Variants in RNASET2 observed in about 807,000 individuals in gnomAD.
RNASET2 encodes the protein ribonuclease 6.
RNASET2 carries 28 observed loss-of-function variants against 33.9 expected under a neutral mutation model. That is an observed-to-expected ratio of 0.83 (90% CI 0.61 to 1.13). The LOEUF (loss-of-function observed/expected upper bound fraction) is 1.13, where lower values mean the gene tolerates loss of function less well. RNASET2 is among the 50% of genes most tolerant of loss of function. The pLI is 0.00. For synonymous variants in RNASET2, 123 were observed against 121.0 expected, an observed-to-expected ratio of 1.02 and a Z score of -0.11; for missense variants, 330 against 319.9, an observed-to-expected ratio of 1.03 and a Z score of -0.24.
At chr6:166,934,297 C>T (rs1778515511) in intron 6 of RNASET2, 161 bp from the exon 7 acceptor site, 2 of 649,032 alleles carry the variant, frequency 3.1e-6, no homozygotes, top group Non-Finnish European at 5.6e-6. Flanking sequence ...ACTGCAAATA[C>T]ATGGTTCCCA....
At chr6:166,942,397 A>G (rs922184735) in intron 5 of RNASET2, among the ~76,000 whole-genome samples, 1 of 152,172 alleles carries the variant, frequency 6.6e-6, no homozygotes, top group Non-Finnish European at 1.5e-5. Flanking sequence ...AATTTCCTTA[A>G]GAAATATTCT....
At chr6:166,943,719 G>A (rs1349729475) in intron 4 of RNASET2, 1 of 468,636 alleles carries the variant, frequency 2.1e-6, no homozygotes, top group African/African-American at 2.0e-5. Context: ...TTCATTAATT[G>A]TAACAAATGT....
chr6:166,926,922 GCT>G lies in RNASET2; in HGVS notation c.*2664_*2665del, dbSNP rs1312253034. Reference sequence around the variant, plus strand: ...CCCGGGCCAGCTGCCCCTCCTGGCTGCTCTCCATCCTGAGATGCGCCTGCTCC... The same window carrying G: ...CCCGGGCCAGCTGCCCCTCCTGGCTGCTCCATCCTGAGATGCGCCTGCTCC... On this transcript the variant is annotated 3_prime_UTR_variant, in exon 9 of 9. Coordinates refer to ENST00000508775, the MANE Select transcript of RNASET2 (RefSeq NM_003730.6). Among the ~76,000 whole-genome samples the G allele has an allele frequency of 6.6e-6, 1 of 152,186 alleles. No homozygotes were observed. Among genetic ancestry groups the G allele is most frequent in the African/African-American group, 2.4e-5 (1 of 41,442 alleles).
rs139710097 is a variant in RNASET2, at chr6:166,936,809, C to T, written c.446+2086G>A. On this transcript the variant is annotated intron_variant, in intron 6 of 8. Transcript: ENST00000508775. ...TAGCAGGAAAGCTACTGAGTTTCAA[C>T]GAGTGTAAGTAGGAGCCACTTAATA... is the stretch of plus-strand genomic sequence containing the variant. Among the ~76,000 whole-genome samples, 455 of 152,330 alleles carry T rather than the reference C, an allele frequency of 3.0e-3. 2 individuals are homozygous for T. The highest frequency in any genetic ancestry group is 0.01 in the African/African-American group (429 of 41,578).
Position 166,926,544 on chromosome 6 carries a change from A to G in RNASET2, c.*3044T>C, listed in dbSNP as rs1455312353. 3.2e-4 allele frequency among the ~76,000 whole-genome samples: 48 copies of G among 151,280 alleles called. No homozygotes were observed. The highest frequency in any genetic ancestry group is 1.0e-3 in the African/African-American group (41 of 41,160). ...GTGAGACTCAGTCTCAAAAAAAAAA[A>G]AAAAGAAAAGAAAAGAAAAGATATC... On this transcript the variant is annotated 3_prime_UTR_variant, in exon 9 of 9. Coordinates refer to ENST00000508775, the MANE Select transcript of RNASET2 (RefSeq NM_003730.6).
intron 4 of RNASET2, among the ~76,000 whole-genome samples, chr6:166,944,641 G>C (rs994061791): frequency 8.5e-5 from 13 of 152,072 alleles, no homozygotes; most frequent in Non-Finnish European, 1.6e-4. Context: ...ACTACTCTGA[G>C]GAGCAGCGGC....
intron 6 of RNASET2, among the ~76,000 whole-genome samples, chr6:166,935,953 G>A (rs1248578735): frequency 1.3e-5 from 2 of 152,186 alleles, no homozygotes; most frequent in Admixed American, 6.5e-5. Context: ...GATTACAGGC[G>A]TGAACCACTG....
At chr6:166,940,051 G>T (rs976782031) in intron 5 of RNASET2, among the ~76,000 whole-genome samples, 14 of 152,220 alleles carry the variant, frequency 9.2e-5, no homozygotes, top group Admixed American at 7.2e-4. Context: ...TGAAGGCCAC[G>T]CTCAAGTCCA....
chr6:166,943,115 C>T, intron 4 of RNASET2, 26 bp from the exon 5 acceptor site: 1 of 1,562,520 alleles, frequency 6.4e-7, no homozygotes, highest in Non-Finnish European at 8.8e-7. Context: ...TAAAATAAGT[C>T]TACGCAGGTT....
At chr6:166,952,682 T>C in intron 1 of RNASET2, 134 bp from the exon 2 acceptor site, 1 of 733,148 alleles carries the variant, frequency 1.4e-6, no homozygotes, top group Non-Finnish European at 2.5e-6. Context: ...CCTGCCCTGC[T>C]GCTGCACACA....
rs1341920301 is a variant in RNASET2 at position 166,924,782 on chromosome 6, AT to A, written c.*4805del. On this transcript the variant is annotated 3_prime_UTR_variant, in exon 9 of 9. Transcript: ENST00000508775. ...AGCGTGACCAACATGGAGAAAACCC[AT>A]CTCTACTAAAAATACAAAATTAGCC... Among the ~76,000 whole-genome samples, 1 of 152,078 alleles carries A rather than the reference AT, an allele frequency of 6.6e-6. No homozygotes were observed. Among genetic ancestry groups the A allele is most frequent in the Non-Finnish European group, 1.5e-5 (1 of 68,006 alleles).
At position 166,952,472 on chromosome 6, in the gene RNASET2, A is replaced by G. The variant is rs766443656; in HGVS notation, c.147+16T>C. 2.4e-5 allele frequency: 38 copies of G among 1,612,882 alleles called. 1 individual carries two copies. Among genetic ancestry groups the G allele is most frequent in the Non-Finnish European group, 3.2e-5 (38 of 1,178,878 alleles). Reference sequence around the variant, plus strand: ...GCTCCCCAGGCCCCAGGGCCCGTCAAGGCAGAAACACTCACCTCGCATACT... The same window carrying G: ...GCTCCCCAGGCCCCAGGGCCCGTCAGGGCAGAAACACTCACCTCGCATACT... On this transcript the variant is annotated intron_variant, in intron 2 of 8. Transcript: ENST00000508775.
intron 6 of RNASET2, among the ~76,000 whole-genome samples, chr6:166,935,789 TGCC>T (rs997310358): frequency 6.6e-6 from 1 of 152,204 alleles, no homozygotes; most frequent in African/African-American, 2.4e-5. Context: ...GAGATTCTCC[TGCC>T]TCAGCCTCCT....
At position 166,933,169 on chromosome 6, in the gene RNASET2, T is replaced by C. The variant is rs1019705807; in HGVS notation, c.492+922A>G. On this transcript the variant is annotated intron_variant, in intron 7 of 8. Coordinates refer to ENST00000508775, the MANE Select transcript of RNASET2 (RefSeq NM_003730.6). This position sits in a 1 kb window ranked among gnomAD's most constrained non-coding sequence, Gnocchi z 4.1. ...AATACGAAAACTATCTCAAAGAATCTGATACCTTTCTCTAAGGCAAGAGTC... is the reference window on the plus strand; with the variant it reads ...AATACGAAAACTATCTCAAAGAATCCGATACCTTTCTCTAAGGCAAGAGTC... 8 of 152,204 alleles carry C rather than the reference T, an allele frequency of 5.3e-5. No homozygotes were observed. The highest frequency in any genetic ancestry group is 1.9e-4 in the African/African-American group (8 of 41,452). The allele number at this position is 152,204 out of a possible 1,614,324, so 9.4% of individuals were successfully genotyped here.
intron 6 of RNASET2, among the ~76,000 whole-genome samples, chr6:166,937,861 C>T (rs1778604911): frequency 6.6e-6 from 1 of 152,300 alleles, no homozygotes; most frequent in African/African-American, 2.4e-5. Flanking sequence ...TCCCCGCTAA[C>T]CGTGCCAAGC....
At chr6:166,951,113 G>A (rs1778973934) in intron 2 of RNASET2, among the ~76,000 whole-genome samples, 1 of 152,206 alleles carries the variant, frequency 6.6e-6, no homozygotes, top group Non-Finnish European at 1.5e-5. Flanking sequence ...TGACTGATAA[G>A]GTCACGTGAG....
rs1355181773 is a variant in RNASET2, at chr6:166,928,474, A to T, written c.*1114T>A. ...TTTTTTTTTTGTAAATTATGCTGAC[A>T]ATATGGTTATTCTAAGGATTAAATA... is the stretch of plus-strand genomic sequence containing the variant. On this transcript the variant is annotated 3_prime_UTR_variant, in exon 9 of 9. Coordinates refer to ENST00000508775, the MANE Select transcript of RNASET2 (RefSeq NM_003730.6). Among the ~76,000 whole-genome samples the T allele has an allele frequency of 1.4e-5, 2 of 147,656 alleles. No homozygotes were observed. Among genetic ancestry groups the T allele is most frequent in the African/African-American group, 5.0e-5 (2 of 39,710 alleles).
chr6:166,938,542 T>C (rs768150441), intron 6 of RNASET2: 10 of 550,266 alleles, frequency 1.8e-5, no homozygotes, highest in Non-Finnish European at 3.7e-5. Flanking sequence ...TCCGTCTTTC[T>C]AAGGAAACGA....
chr6:166,956,119 C>A lies in RNASET2; in HGVS notation c.64G>T (p.Gly22Cys), dbSNP rs1240909002. 1 of 1,552,378 alleles carries A rather than the reference C, an allele frequency of 6.4e-7. No homozygotes were observed. The highest frequency in any genetic ancestry group is 2.0e-5 in the Admixed American group (1 of 51,144). Reference sequence around the variant, plus strand: ...CACCGCAGGCGCTTGTCCGCACCGCCCAGGCAAAGCAACGCCAGGCAGAGG... The same window carrying A: ...CACCGCAGGCGCTTGTCCGCACCGCACAGGCAAAGCAACGCCAGGCAGAGG... ...GCLCLALLCL[G>C]GADKRLRDNH... The change falls in exon 1 of 9, where the codon GGC (glycine) becomes TGC (cysteine). Residue 22 changes from glycine to cysteine, a missense_variant. Gly to Cys is a radical substitution (Grantham distance 159). Transcript: ENST00000508775.
Sources: allele counts gnomAD v4.1 joint callset (sites outside exome capture counted in the v4.1 genomes callset), GRCh38; gene constraint gnomAD v4.1.1; non-coding constraint Gnocchi (gnomAD v3.1); transcripts MANE v1.5; gene names NCBI Gene and HGNC (gene_info 2026-07-23, HGNC 2026-07-21).